Variants in FRAS1 observed in about 807,000 individuals in gnomAD.
The protein encoded by FRAS1 is Fraser extracellular matrix complex subunit 1.
FRAS1 carries 290 observed loss-of-function variants against 435.2 expected under a neutral mutation model. The observed-to-expected ratio is 0.67, with a 90% CI of 0.61 to 0.73. The LOEUF is 0.73. FRAS1 is among the 30% of genes least tolerant of loss of function. The pLI, the probability that FRAS1 is intolerant of heterozygous loss-of-function variation, is 0.00. For missense variants in FRAS1, 4,860 were observed against 5,001.5 expected, an observed-to-expected ratio of 0.97 and a Z score of 0.85; for synonymous variants, 1,800 against 1,851.0, an observed-to-expected ratio of 0.97 and a Z score of 0.71.
chr4:78,302,093 G>A (rs1488067202), intron 14 of FRAS1, among the ~76,000 whole-genome samples: 2 of 151,106 alleles, frequency 1.3e-5, no homozygotes, highest in Non-Finnish European at 2.9e-5. Context: ...CTATGAGTGA[G>A]AATATGCGGT....
In FRAS1 at chr4:78,308,074, G is replaced by A. The variant is rs768405731; in HGVS notation, c.1543G>A (p.Glu515Lys). 8 of 1,606,836 alleles carry A rather than the reference G, an allele frequency of 5.0e-6. No homozygotes were observed. The South Asian group carries it at 8.9e-5, about 18-fold the overall frequency. ...QDRHSCAVCH[E>K]SCAGCWGPTE... is the part of the protein sequence containing the mutation. ...TTGCTATTCGTCTGCAGTCTGCCAT[G>A]AGTCCTGTGCAGGTTGCTGGGGCCC... is the stretch of plus-strand genomic sequence containing the variant. Residue 515 changes from glutamate to lysine, a missense_variant, in exon 15 of 74, where the codon GAG becomes AAG. Physicochemically the swap from Glu to Lys is moderately conservative, Grantham distance 56. Transcript: ENST00000512123.
At chr4:78,419,111 GT>G in intron 33 of FRAS1, 48 bp downstream of exon 33, 1 of 1,078,134 alleles carries the variant, frequency 9.3e-7, no homozygotes, top group Non-Finnish European at 1.3e-6. Flanking sequence ...TTATCTTCTA[GT>G]TTTTTACCAG....
At chr4:78,156,699 T>C (rs536582683) in intron 2 of FRAS1, among the ~76,000 whole-genome samples, 1 of 152,236 alleles carries the variant, frequency 6.6e-6, no homozygotes. Flanking sequence ...TTCAGATGAC[T>C]GAATTGAATG....
intron 14 of FRAS1, among the ~76,000 whole-genome samples, chr4:78,301,062 T>C (rs1728368928): frequency 6.6e-6 from 1 of 152,186 alleles, no homozygotes; most frequent in Non-Finnish European, 1.5e-5. Context: ...GAAGAGAGAA[T>C]TGGATCTTGA....
intron 25 of FRAS1, 32 bp downstream of exon 25, chr4:78,374,283 G>T (rs750447278): frequency 6.5e-7 from 1 of 1,541,786 alleles, no homozygotes; most frequent in East Asian, 2.3e-5. Context: ...ATTCTGGAAA[G>T]AAGTGAGGGC....
intron 2 of FRAS1, among the ~76,000 whole-genome samples, chr4:78,211,767 G>T (rs1340382346): frequency 6.6e-6 from 1 of 152,138 alleles, no homozygotes; most frequent in East Asian, 1.9e-4. Context: ...CACATTCATG[G>T]TGTTGTGCAA....
chr4:78,315,510 A>G lies in FRAS1; in HGVS notation c.1679-84A>G. On this transcript the variant is annotated intron_variant, in intron 15 of 73. Coordinates refer to ENST00000512123, the MANE Select transcript of FRAS1 (RefSeq NM_025074.7). ...AAATGAGATTATGATATTGATACCC[A>G]TTGTGGATATTGTAAAGAATAGACT... The G allele has an allele frequency of 3.7e-6, 5 of 1,355,958 alleles. No homozygotes were observed. In the East Asian group the frequency reaches 7.2e-5, roughly 20 times the overall value. The allele number at this position is 1,355,958 out of a possible 1,614,324, so 84.0% of individuals were successfully genotyped here. A position where few individuals can be genotyped will look rare whatever the true frequency, so the allele number is the denominator to read the frequency against.
intron 18 of FRAS1, among the ~76,000 whole-genome samples, chr4:78,321,642 G>A (rs752852411): frequency 8.6e-5 from 13 of 151,984 alleles, no homozygotes; most frequent in Non-Finnish European, 1.5e-4. Context: ...TCTGGAGTTC[G>A]ACACCAGCTT....
At chr4:78,422,126 T>A (rs1447456508) in intron 34 of FRAS1, 126 bp downstream of exon 34, 2 of 1,002,092 alleles carry the variant, frequency 2.0e-6, no homozygotes, top group Admixed American at 2.7e-5. Context: ...CTATTCAAAA[T>A]AGCTTGAGAC....
intron 15 of FRAS1, among the ~76,000 whole-genome samples, chr4:78,311,448 C>T (rs1282365290): frequency 1.3e-5 from 2 of 152,068 alleles, no homozygotes; most frequent in African/African-American, 4.8e-5. Context: ...CTGGTGTGCC[C>T]CCGTCATATT....
At chr4:78,120,610 G>A (rs1488812956) in intron 2 of FRAS1, among the ~76,000 whole-genome samples, 2 of 152,132 alleles carry the variant, frequency 1.3e-5, no homozygotes, top group Non-Finnish European at 2.9e-5. Flanking sequence ...CACAGCCCAG[G>A]CCAGTCTTGT....
At chr4:78,244,434 C>T (rs1475837488) in intron 3 of FRAS1, among the ~76,000 whole-genome samples, 2 of 152,048 alleles carry the variant, frequency 1.3e-5, no homozygotes, top group African/African-American at 4.8e-5. Context: ...TTGAGAAAAT[C>T]CTAAGTAGAG....
intron 2 of FRAS1, among the ~76,000 whole-genome samples, chr4:78,092,275 C>T (rs1033952443): frequency 2.6e-5 from 4 of 152,070 alleles, no homozygotes; most frequent in Non-Finnish European, 5.9e-5. Flanking sequence ...TGGTCAGGAC[C>T]GGCATGTGGT....
intron 69 of FRAS1, among the ~76,000 whole-genome samples, chr4:78,524,478 T>C (rs1423112713): frequency 6.6e-6 from 1 of 152,116 alleles, no homozygotes; most frequent in Non-Finnish European, 1.5e-5. Flanking sequence ...TGTTGTGATA[T>C]GGGAAATGCT....
chr4:78,485,341 C>T (rs1720137510), intron 58 of FRAS1, among the ~76,000 whole-genome samples: 1 of 152,158 alleles, frequency 6.6e-6, no homozygotes, highest in Non-Finnish European at 1.5e-5. Flanking sequence ...AGAGTCCTCA[C>T]TGATCAACAC....
At chr4:78,398,568 C>G (rs567460505) in intron 29 of FRAS1, among the ~76,000 whole-genome samples, 1 of 152,320 alleles carries the variant, frequency 6.6e-6, no homozygotes, top group East Asian at 1.9e-4. Flanking sequence ...TGCCTACTTG[C>G]TTAGAATCTG....
chr4:78,225,147 G>A lies in FRAS1; in HGVS notation c.109-12363G>A, dbSNP rs1431865675. Among the ~76,000 whole-genome samples, 6 of 152,276 alleles carry A rather than the reference G, an allele frequency of 3.9e-5. No homozygotes were observed. In the East Asian group the frequency reaches 1.2e-3, roughly 29 times the overall value. On this transcript the variant is annotated intron_variant, in intron 2 of 73. Transcript: ENST00000512123. ...GCCTCTGTTCTACCCTTTGAGTGCT[G>A]AGCATGGTGCTAAGGAATCTCAGAT...
intron 2 of FRAS1, chr4:78,181,929 CT>C (rs112902846): frequency 6.2e-7 from 1 of 1,609,226 alleles, no homozygotes; most frequent in East Asian, 2.2e-5. Context: ...CTGCCGGCTT[CT>C]TTTTTCTTGT....
At chr4:78,372,975 G>T in intron 24 of FRAS1, 117 bp downstream of exon 24, 2 of 1,181,732 alleles carry the variant, frequency 1.7e-6, no homozygotes, top group African/African-American at 1.6e-5. Context: ...CCCCATTTCT[G>T]GTTTCTTTCC....
Sources: gnomAD v4.1 joint callset for allele counts (sites outside exome capture counted in the v4.1 genomes callset) on GRCh38, gnomAD v4.1.1 for gene constraint, MANE v1.5 for transcripts, NCBI Gene and HGNC (gene_info 2026-07-23, HGNC 2026-07-21) for gene names.